The following NLGN4X variants were observed in gnomAD, a reference collection of about 807,000 sequenced individuals.
NLGN4X encodes neuroligin-4, X-linked.
Under a neutral mutation model 40.3 loss-of-function variants are expected in NLGN4X, and 3 were observed. That is an observed-to-expected ratio of 0.07 (90% CI 0.03 to 0.19). NLGN4X has a LOEUF of 0.19. NLGN4X is among the 10% of genes least tolerant of loss of function. The pLI is 1.00. For synonymous variants in NLGN4X, 270 were observed against 306.8 expected (o/e 0.88, Z 1.25); for missense variants, 382 against 708.3 (o/e 0.54, Z 5.23).
intron 1 of NLGN4X, among the ~76,000 whole-genome samples, chrX:6,156,754 C>G (rs1027277945): frequency 1.8e-5 from 2 of 109,659 alleles, no homozygotes; most frequent in African/African-American, 6.7e-5. Flanking sequence ...CTGTTGGGTG[C>G]TATACTCCAT....
intron 1 of NLGN4X, among the ~76,000 whole-genome samples, chrX:6,217,186 A>G (rs763099790): frequency 1.8e-5 from 2 of 112,370 alleles, no homozygotes; most frequent in African/African-American, 6.5e-5. Context: ...TGAGCTATGT[A>G]TGCATATGTA....
At chrX:6,186,336 C>T (rs1922007690) in intron 1 of NLGN4X, among the ~76,000 whole-genome samples, 1 of 112,081 alleles carries the variant, frequency 8.9e-6, no homozygotes, top group Non-Finnish European at 1.9e-5. Flanking sequence ...AAATTGGCCA[C>T]CACCCATAGG....
chrX:6,159,199 C>A (rs2040334510), intron 1 of NLGN4X, among the ~76,000 whole-genome samples: 1 of 111,285 alleles, frequency 9.0e-6, no homozygotes, highest in Non-Finnish European at 1.9e-5. Context: ...CTGAAATATA[C>A]AGCAAGGACA....
chrX:5,934,259 G>C (rs1358271717), intron 3 of NLGN4X, among the ~76,000 whole-genome samples: 1 of 111,741 alleles, frequency 8.9e-6, no homozygotes, highest in Non-Finnish European at 1.9e-5. Flanking sequence ...TAAGGCTGAA[G>C]AATAGTTCAT....
intron 2 of NLGN4X, among the ~76,000 whole-genome samples, chrX:6,135,742 G>A (rs1291759889): frequency 9.0e-6 from 1 of 111,678 alleles, no homozygotes; most frequent in African/African-American, 3.3e-5. Context: ...TGACATACTA[G>A]GAAATGCTGT....
At chrX:6,080,469 T>C (rs1226585190) in intron 2 of NLGN4X, among the ~76,000 whole-genome samples, 2 of 111,410 alleles carry the variant, frequency 1.8e-5, no homozygotes, top group Non-Finnish European at 3.8e-5. Context: ...CCCCTGGGAG[T>C]CCATGACTGT....
intron 2 of NLGN4X, among the ~76,000 whole-genome samples, chrX:6,061,347 C>G (rs752228301): frequency 9.1e-6 from 1 of 110,192 alleles, no homozygotes; most frequent in Non-Finnish European, 1.9e-5. Context: ...GATAACACCA[C>G]GCCTCTAGAT....
At chrX:6,160,699 T>A (rs192048408) in intron 1 of NLGN4X, among the ~76,000 whole-genome samples, 26 of 108,767 alleles carry the variant, frequency 2.4e-4, no homozygotes, top group Non-Finnish European at 3.1e-4. Context: ...TTTTTTGTAT[T>A]TTTAGTAGAG....
chrX:6,113,531 G>A (rs2039201098), intron 2 of NLGN4X, among the ~76,000 whole-genome samples: 1 of 110,402 alleles, frequency 9.1e-6, no homozygotes, highest in Admixed American at 9.7e-5. Flanking sequence ...GAACTTACTA[G>A]ATGTTAGAGA....
intron 2 of NLGN4X, among the ~76,000 whole-genome samples, chrX:6,135,587 T>C (rs1415419911): frequency 9.0e-6 from 1 of 111,653 alleles, no homozygotes; most frequent in Non-Finnish European, 1.9e-5. Context: ...CAATCTCTTC[T>C]CATTTCTGAA....
chrX:6,135,154 C>G (rs1309734943), intron 2 of NLGN4X, among the ~76,000 whole-genome samples: 1 of 112,047 alleles, frequency 8.9e-6, no homozygotes, highest in Non-Finnish European at 1.9e-5. Context: ...CAGACTATCT[C>G]TGATTTGCCA....
chrX:6,196,581 A>AAAAAAAAAAAAAAAAT (rs1923110091), intron 1 of NLGN4X, among the ~76,000 whole-genome samples: 1 of 102,117 alleles, frequency 9.8e-6, no homozygotes, highest in Non-Finnish European at 2.0e-5. Context: ...AAAAAAAAAA[A>AAAAAAAAAAAAAAAAT]GTGTCTCATG....
chrX:6,181,274 C>G (rs1024637034), intron 1 of NLGN4X, among the ~76,000 whole-genome samples: 10 of 111,646 alleles, frequency 9.0e-5, no homozygotes, highest in African/African-American at 3.3e-4. Flanking sequence ...ATAATTACAG[C>G]TATGCACACA....
At chrX:6,019,250 A>G (rs2036472160) in intron 3 of NLGN4X, among the ~76,000 whole-genome samples, 1 of 112,259 alleles carries the variant, frequency 8.9e-6, no homozygotes, top group African/African-American at 3.2e-5. Context: ...GCATGTACAT[A>G]TGTGCATATT....
At chrX:5,996,047 GAT>G (rs2035807888) in intron 3 of NLGN4X, among the ~76,000 whole-genome samples, 1 of 91,234 alleles carries the variant, frequency 1.1e-5, no homozygotes, top group Non-Finnish European at 2.4e-5. Context: ...CACATGAACA[GAT>G]ACCTAAAAGT....
chrX:5,930,722 C>A (rs2033517256), intron 3 of NLGN4X, among the ~76,000 whole-genome samples: 1 of 112,390 alleles, frequency 8.9e-6, no homozygotes, highest in African/African-American at 3.2e-5. Flanking sequence ...CCCGCTGAAT[C>A]TGACATTTGC....
At chrX:5,944,650 CAAAAAAA>C (rs750871231) in intron 3 of NLGN4X, among the ~76,000 whole-genome samples, 19 of 25,578 alleles carry the variant, frequency 7.4e-4, no homozygotes, top group African/African-American at 1.7e-3. Context: ...GACTCTGTCT[CAAAAAAA>C]AAAAAAAAAA....
At chrX:6,137,508 T>C (rs1009170386) in intron 2 of NLGN4X, among the ~76,000 whole-genome samples, 1 of 111,853 alleles carries the variant, frequency 8.9e-6, no homozygotes, top group Non-Finnish European at 1.9e-5. Context: ...ACCTATGACG[T>C]GGCCTGTCAA....
intron 2 of NLGN4X, among the ~76,000 whole-genome samples, chrX:6,105,755 C>T (rs1260166831): frequency 8.9e-6 from 1 of 111,967 alleles, no homozygotes; most frequent in Non-Finnish European, 1.9e-5. Flanking sequence ...AGCCACTTTT[C>T]TTGATTTGCA....
Sources: gnomAD v4.1 joint callset for allele counts (sites outside exome capture counted in the v4.1 genomes callset) on GRCh38, gnomAD v4.1.1 for gene constraint, MANE v1.5 for transcripts, NCBI Gene and HGNC (gene_info 2026-07-23, HGNC 2026-07-21) for gene names.